QRSL1: variants seen among roughly 807,000 people sequenced by gnomAD.
The protein encoded by QRSL1 is glutamyl-tRNA(Gln) amidotransferase subunit A, mitochondrial.
In QRSL1, 54 loss-of-function variants were observed where a neutral mutation model predicts 61.6. The ratio of observed to expected loss-of-function variants is 0.88; its 90% CI spans 0.70 to 1.10. QRSL1 has a LOEUF of 1.10. QRSL1 is among the 50% of genes least tolerant of loss of function. The probability of loss-of-function intolerance (pLI) is 0.00; values close to 1 mark genes in which losing one functional copy is unlikely to be tolerated. For missense variants in QRSL1, 505 were observed against 622.6 expected, an observed-to-expected ratio of 0.81 and a Z score of 2.01; for synonymous variants, 228 against 225.7, an observed-to-expected ratio of 1.01 and a Z score of -0.09.
intron 8 of QRSL1, 140 bp downstream of exon 8, chr6:106,655,062 T>A (rs988865984): frequency 1.2e-6 from 1 of 805,614 alleles, no homozygotes; most frequent in African/African-American, 1.7e-5. Flanking sequence ...TTTACCTTTG[T>A]CATTTTAGAC....
At chr6:106,651,567 A>G (rs1234645073) in intron 5 of QRSL1, among the ~76,000 whole-genome samples, 1 of 152,200 alleles carries the variant, frequency 6.6e-6, no homozygotes, top group Non-Finnish European at 1.5e-5. Flanking sequence ...GCAAAAATTT[A>G]TGTTCAGAGA....
intron 5 of QRSL1, among the ~76,000 whole-genome samples, chr6:106,651,030 T>C (rs1467572143): frequency 3.3e-5 from 5 of 152,178 alleles, no homozygotes; most frequent in Non-Finnish European, 7.4e-5. Flanking sequence ...GCAATCAGTC[T>C]TCAGAACACT....
At chr6:106,653,928 C>T (rs533422322) in intron 7 of QRSL1, 1 of 152,194 alleles carries the variant, frequency 6.6e-6, no homozygotes, top group South Asian at 2.1e-4. Context: ...ATCCTAGACC[C>T]TCTACTTACC....
intron 3 of QRSL1, among the ~76,000 whole-genome samples, chr6:106,641,970 A>T (rs558078605): frequency 6.6e-6 from 1 of 152,362 alleles, no homozygotes; most frequent in African/African-American, 2.4e-5. Flanking sequence ...AAGGAAGTAC[A>T]ACTGATTATT....
At chr6:106,665,400 TAAG>T (rs1777415981) in intron 10 of QRSL1, among the ~76,000 whole-genome samples, 1 of 152,206 alleles carries the variant, frequency 6.6e-6, no homozygotes, top group Admixed American at 6.5e-5. Flanking sequence ...CCTCCTCATC[TAAG>T]AAGATTTCAA....
At chr6:106,651,021 C>G (rs760215647) in intron 5 of QRSL1, among the ~76,000 whole-genome samples, 3 of 152,094 alleles carry the variant, frequency 2.0e-5, no homozygotes, top group Non-Finnish European at 2.9e-5. Context: ...TAAAAACATG[C>G]AATCAGTCTT....
chr6:106,663,870 G>C (rs1777396619), intron 10 of QRSL1, among the ~76,000 whole-genome samples: 1 of 152,090 alleles, frequency 6.6e-6, no homozygotes, highest in African/African-American at 2.4e-5. Flanking sequence ...TATAATGAAT[G>C]CTGATATGCC....
chr6:106,632,519 A>G (rs1776854567), intron 1 of QRSL1, among the ~76,000 whole-genome samples: 1 of 152,012 alleles, frequency 6.6e-6, no homozygotes, highest in Non-Finnish European at 1.5e-5. Context: ...CCCAACCAGT[A>G]GTTCTATTTT....
intron 1 of QRSL1, among the ~76,000 whole-genome samples, chr6:106,637,638 A>G (rs1776944821): frequency 6.6e-6 from 1 of 152,208 alleles, no homozygotes; most frequent in South Asian, 2.1e-4. Flanking sequence ...TGTGGTAGGT[A>G]GGCACTAAAC....
rs1054267739 is a variant in QRSL1 at position 106,666,562 on chromosome 6, A to G, written c.*560A>G. The G allele has an allele frequency of 6.4e-6, 1 of 156,712 alleles. No individual in the cohort carries two copies. The highest frequency in any genetic ancestry group is 2.4e-5 in the African/African-American group (1 of 41,470). 9.7% of individuals were successfully genotyped at this position (156,712 alleles called of 1,614,324 possible). A position where few individuals can be genotyped will look rare whatever the true frequency, so the allele number is the denominator to read the frequency against. The stretch of plus-strand genomic sequence containing the variant: ...TTCCTCAAAGACAATGCATTCTGCC[A>G]TAATGTTCATTAAAGAGTTTACAGT... On this transcript the variant is annotated 3_prime_UTR_variant, in exon 11 of 11. Transcript: ENST00000369046.
chr6:106,634,110 CAGA>C (rs1190876096), intron 1 of QRSL1, among the ~76,000 whole-genome samples: 1 of 151,976 alleles, frequency 6.6e-6, no homozygotes, highest in Non-Finnish European at 1.5e-5. Flanking sequence ...TAATAGAGAC[CAGA>C]AGGGCATGAA....
Position 106,642,969 on chromosome 6 carries a change from AT to A in QRSL1, c.284-24del, listed in dbSNP as rs767261747. Reference sequence around the variant, plus strand: ...AAAAGACTTCTGGACTGTAAAAAAAATAATAGTAACTAAATTTTTTTCAGGT... The same window carrying A: ...AAAAGACTTCTGGACTGTAAAAAAAAAATAGTAACTAAATTTTTTTCAGGT... On this transcript the variant is annotated intron_variant, in intron 3 of 10. Transcript: ENST00000369046. 21 of 1,485,428 alleles carry A rather than the reference AT, an allele frequency of 1.4e-5. No individual in the cohort carries two copies. In the African/African-American group the frequency reaches 1.4e-4, roughly 10 times the overall value. The allele number at this position is 1,485,428 out of a possible 1,614,324, so 92.0% of individuals were successfully genotyped here. A position where few individuals can be genotyped will look rare whatever the true frequency, so the allele number is the denominator to read the frequency against.
rs1243451940 is a variant in QRSL1 at position 106,665,852 on chromosome 6, A to G, written c.1437A>G (p.Gly479=). ...QGLPIGLQFI[G]RAFCDQQLLT... ...TGCCAATAGGACTGCAGTTTATTGGACGTGCGTTTTGTGACCAGCAGCTTC... is the reference window on the plus strand; with the variant it reads ...TGCCAATAGGACTGCAGTTTATTGGGCGTGCGTTTTGTGACCAGCAGCTTC... The change falls in exon 11 of 11, where the codon GGA becomes GGG. Residue 479 remains glycine (G), a synonymous_variant. Coordinates refer to ENST00000369046, the MANE Select transcript of QRSL1 (RefSeq NM_018292.5). The G allele has an allele frequency of 3.7e-6, 6 of 1,613,956 alleles. No individual in the cohort carries two copies. The highest frequency in any genetic ancestry group is 1.3e-5 in the African/African-American group (1 of 75,054).
intron 3 of QRSL1, among the ~76,000 whole-genome samples, 184 bp downstream of exon 3, chr6:106,641,105 C>T (rs1777012282): frequency 6.6e-6 from 1 of 152,088 alleles, no homozygotes; most frequent in African/African-American, 2.4e-5. Context: ...TAGAGGTCAG[C>T]CAGCTTAATG....
At chr6:106,644,742 A>G (rs1037817563) in intron 4 of QRSL1, among the ~76,000 whole-genome samples, 11 of 151,816 alleles carry the variant, frequency 7.2e-5, no homozygotes, top group African/African-American at 2.7e-4. Flanking sequence ...CTGGTCTCAA[A>G]CTCCTGACCT....
At position 106,649,017 on chromosome 6, in the gene QRSL1, G is replaced by A. The variant is rs367766803; in HGVS notation, c.381-8G>A. The A allele has an allele frequency of 7.5e-5, 119 of 1,590,510 alleles. No homozygotes were observed. The highest frequency in any genetic ancestry group is 1.0e-4 in the Admixed American group (6 of 57,590). ...TTACTAAGGTATCTTGCTTCACTTC[G>A]TCATCAGATCTGGGAGCACAGATGG... On this transcript the variant is annotated splice_region_variant and splice_polypyrimidine_tract_variant and intron_variant, in intron 4 of 10. Transcript: ENST00000369046.
In QRSL1 at chr6:106,663,104, C is replaced by G; in HGVS notation, c.1285C>G (p.Pro429Ala). ...TCCCACCACCTTGAGTGAGGCAGTA[C>G]CATACTTGGAGTTCATCAAAGAGGA... ...LTPTTLSEAV[P>A]YLEFIKEDNR... Residue 429 changes from proline (P) to alanine (A), a missense_variant, in exon 10 of 11, where the codon CCA becomes GCA. Transcript: ENST00000369046. 6.2e-7 allele frequency: 1 copy of G among 1,614,092 alleles called. No individual in the cohort carries two copies. Among genetic ancestry groups the G allele is most frequent in the Non-Finnish European group, 8.5e-7 (1 of 1,179,950 alleles).
intron 9 of QRSL1, among the ~76,000 whole-genome samples, chr6:106,657,302 C>G (rs932743439): frequency 2.0e-5 from 3 of 150,848 alleles, no homozygotes; most frequent in Non-Finnish European, 4.4e-5. Context: ...TGGTTATGTT[C>G]CAGATTAAAA....
rs1196481999 is a variant in QRSL1, at chr6:106,667,958, A to T, written c.*1956A>T. ...AATCTGTTTTTATGTAATGAATTTA[A>T]AAAAAAAGAGAGAGAGAGAGAGATG... On this transcript the variant is annotated 3_prime_UTR_variant, in exon 11 of 11. Transcript: ENST00000369046. 4.5e-5 allele frequency: 2 copies of T among 44,372 alleles called. No individual in the cohort carries two copies. Among genetic ancestry groups the T allele is most frequent in the African/African-American group, 1.5e-4 (2 of 13,640 alleles). 2.7% of individuals were successfully genotyped at this position (44,372 alleles called of 1,614,324 possible).
Sources: gnomAD v4.1 joint callset for allele counts (sites outside exome capture counted in the v4.1 genomes callset) on GRCh38, gnomAD v4.1.1 for gene constraint, MANE v1.5 for transcripts, NCBI Gene and HGNC (gene_info 2026-07-23, HGNC 2026-07-21) for gene names.